KIF1B: variants seen among roughly 807,000 people sequenced by gnomAD.
KIF1B encodes the protein kinesin-like protein KIF1B.
KIF1B carries 76 observed loss-of-function variants against 241.9 expected under a neutral mutation model. That is an observed-to-expected ratio of 0.31 (90% CI 0.26 to 0.38). The LOEUF (loss-of-function observed/expected upper bound fraction) is 0.38. Among genes scored for constraint, KIF1B ranks in the 10% least tolerant of loss-of-function variants. The probability of loss-of-function intolerance (pLI) is 1.00; values close to 1 mark genes in which losing one functional copy is unlikely to be tolerated. For missense variants in KIF1B, 1,622 were observed against 2,271.4 expected (o/e 0.71, Z 5.81); for synonymous variants, 750 against 796.7 (o/e 0.94, Z 0.99).
At chr1:10,214,028 C>T (rs963818531) in intron 1 of KIF1B, among the ~76,000 whole-genome samples, 6 of 151,710 alleles carry the variant, frequency 4.0e-5, no homozygotes, top group African/African-American at 1.5e-4. Flanking sequence ...CCTAGTGCTT[C>T]GGAGGCTGAG....
intron 18 of KIF1B, 103 bp downstream of exon 18, chr1:10,295,268 G>T: frequency 1.3e-6 from 1 of 784,272 alleles, no homozygotes; most frequent in Non-Finnish European, 2.2e-6. Context: ...ATGATTTGCT[G>T]TATTTTTTGT....
intron 40 of KIF1B, among the ~76,000 whole-genome samples, chr1:10,362,837 A>C (rs1638461655): frequency 6.6e-6 from 1 of 152,006 alleles, no homozygotes; most frequent in South Asian, 2.1e-4. Context: ...TTTTGATGCC[A>C]AGGTGGAAGG....
intron 12 of KIF1B, among the ~76,000 whole-genome samples, chr1:10,277,012 C>T (rs1449705378): frequency 6.7e-6 from 1 of 150,048 alleles, no homozygotes; most frequent in Non-Finnish European, 1.5e-5. Flanking sequence ...ACCTGGGAGG[C>T]GGAGGTTGCA....
At chr1:10,216,087 C>T (rs894329986) in intron 1 of KIF1B, among the ~76,000 whole-genome samples, 3 of 152,084 alleles carry the variant, frequency 2.0e-5, no homozygotes, top group Non-Finnish European at 4.4e-5. Flanking sequence ...ACTGTTATTC[C>T]CATTTTACAG....
At chr1:10,267,850 T>A (rs930902158) in intron 6 of KIF1B, among the ~76,000 whole-genome samples, 9 of 152,166 alleles carry the variant, frequency 5.9e-5, no homozygotes, top group Non-Finnish European at 7.3e-5. Flanking sequence ...GTGGTAGTAA[T>A]TGATTCTGGA....
chr1:10,259,739 A>G (rs980742310), intron 4 of KIF1B, among the ~76,000 whole-genome samples: 8 of 151,754 alleles, frequency 5.3e-5, no homozygotes, highest in East Asian at 1.9e-4. Flanking sequence ...ACCTCAGGCA[A>G]TCCGCCCACC....
intron 26 of KIF1B, among the ~76,000 whole-genome samples, chr1:10,325,291 C>G (rs571397738): frequency 7.2e-5 from 11 of 152,116 alleles, no homozygotes; most frequent in African/African-American, 2.4e-4. Context: ...AAAAGCAATT[C>G]ATCCCACTTT....
chr1:10,275,374 G>A (rs1649044213), intron 10 of KIF1B, 54 bp from the exon 11 acceptor site: 2 of 941,376 alleles, frequency 2.1e-6, no homozygotes, highest in East Asian at 2.4e-5. Flanking sequence ...TGCCTTTCTT[G>A]GGAATTTTTT....
At chr1:10,363,422 T>C in intron 41 of KIF1B, 78 bp downstream of exon 41, 1 of 1,228,450 alleles carries the variant, frequency 8.1e-7, no homozygotes, top group Non-Finnish European at 1.2e-6. Flanking sequence ...CTGGGCACGG[T>C]GGCACACACC....
At position 10,365,265 on chromosome 1, in the gene KIF1B, T is replaced by C. The variant is rs1168528150; in HGVS notation, c.4512+20T>C. Reference sequence around the variant, plus strand: ...CATGAGGTATCCAGGGGCAGGGTTGTTCAGATGCAAGAACTCTCGGACAAG... The same window carrying C: ...CATGAGGTATCCAGGGGCAGGGTTGCTCAGATGCAAGAACTCTCGGACAAG... On this transcript the variant is annotated intron_variant, in intron 42 of 48. Coordinates refer to ENST00000676179, the MANE Select transcript of KIF1B (RefSeq NM_001365951.3). This position sits in a 1 kb window ranked among gnomAD's most constrained non-coding sequence, Gnocchi z 4.0. The C allele has an allele frequency of 1.2e-6, 2 of 1,613,732 alleles. No homozygotes were observed. Among genetic ancestry groups the C allele is most frequent in the Admixed American group, 1.7e-5 (1 of 59,950 alleles).
chr1:10,360,155 A>T (rs1638378282), intron 38 of KIF1B, among the ~76,000 whole-genome samples: 2 of 152,152 alleles, frequency 1.3e-5, no homozygotes, highest in Admixed American at 6.6e-5. Flanking sequence ...TCTGAGGCCC[A>T]GCAGCACTGG....
chr1:10,371,233 A>T lies in KIF1B; in HGVS notation c.4917A>T (p.Val1639=). Residue 1639 remains valine (V), a synonymous_variant, in exon 45 of 49, where the codon GTA becomes GTT. Transcript: ENST00000676179. ...CCTCCTCCACCTGTCCCTCTCTGGT[A>T]GACTCTAGGAGCAACTCTCTGGATC... ...LTPSSTCPSL[V]DSRSNSLDQK... 1.2e-6 allele frequency: 2 copies of T among 1,614,124 alleles called. No individual in the cohort carries two copies. Among genetic ancestry groups the T allele is most frequent in the Non-Finnish European group, 1.7e-6 (2 of 1,179,976 alleles).
chr1:10,212,052 A>G (rs546727365), intron 1 of KIF1B, among the ~76,000 whole-genome samples: 2 of 152,290 alleles, frequency 1.3e-5, no homozygotes, highest in South Asian at 4.2e-4. Flanking sequence ...AGGTAGCTGA[A>G]ATTAGATTGT....
chr1:10,362,093 GTCA>G (rs941538761), intron 40 of KIF1B, among the ~76,000 whole-genome samples: 7 of 152,216 alleles, frequency 4.6e-5, no homozygotes, highest in African/African-American at 1.7e-4. Context: ...ACTTTTAAAT[GTCA>G]TCATCATTAT....
chr1:10,343,414 C>T (rs1387508022), intron 34 of KIF1B, 127 bp downstream of exon 34: 8 of 895,616 alleles, frequency 8.9e-6, no homozygotes, highest in Admixed American at 2.0e-5. Flanking sequence ...TATTCCTGCT[C>T]CTCTTGTATG....
At position 10,371,152 on chromosome 1, in the gene KIF1B, C is replaced by G; in HGVS notation, c.4836C>G (p.Ile1612Met). The G allele has an allele frequency of 6.2e-7, 1 of 1,614,114 alleles. No individual in the cohort carries two copies. The highest frequency in any genetic ancestry group is 8.5e-7 in the Non-Finnish European group (1 of 1,180,026). Residue 1612 changes from isoleucine to methionine, a missense_variant, in exon 45 of 49, where the codon ATC becomes ATG. Physicochemically the swap from Ile to Met is conservative, Grantham distance 10. Transcript: ENST00000676179. ...GSVSDCKLSD[I>M]SPIGRDPSES... ...CGGTTTGCTTCCAGTTGTCTGATAT[C>G]TCTCCAATTGGACGGGATCCCTCTG...
At chr1:10,278,844 AT>A (rs1296408906) in intron 13 of KIF1B, 3,114 of 410,774 alleles carry the variant, frequency 7.6e-3, no homozygotes, top group South Asian at 1.0e-2. Flanking sequence ...TTAGTAAAGC[AT>A]TTTTTTTTAG....
In KIF1B at chr1:10,292,142, AACCT is replaced by A. The variant is rs749458473; in HGVS notation, c.1590+22_1590+25del. ...AAAAAGGTAGGAAACAATGCTGTGA[AACCT>A]AATCAGACAGAGACACTTTTTGTTT... On this transcript the variant is annotated intron_variant, in intron 17 of 48. Transcript: ENST00000676179. 3.1e-6 allele frequency: 5 copies of A among 1,597,826 alleles called. No individual in the cohort carries two copies. The highest frequency in any genetic ancestry group is 1.1e-5 in the South Asian group (1 of 90,760).
chr1:10,357,162 G>A (rs1638276448), intron 38 of KIF1B, among the ~76,000 whole-genome samples: 1 of 152,092 alleles, frequency 6.6e-6, no homozygotes, highest in Admixed American at 6.6e-5. Context: ...TTACAGGTGT[G>A]AGCTACCACA....
Sources: allele counts gnomAD v4.1 joint callset (sites outside exome capture counted in the v4.1 genomes callset), GRCh38; gene constraint gnomAD v4.1.1; non-coding constraint Gnocchi (gnomAD v3.1); transcripts MANE v1.5; gene names NCBI Gene and HGNC (gene_info 2026-07-23, HGNC 2026-07-21).